Variants in SELPLG observed in about 807,000 individuals in gnomAD.
SELPLG encodes P-selectin glycoprotein ligand 1.
SELPLG carries 2 observed loss-of-function variants against 1.1 expected under a neutral mutation model. That is an observed-to-expected ratio of 1.82 (90% CI 0.74 to 5.71). The LOEUF (loss-of-function observed/expected upper bound fraction) is 5.71. SELPLG is among the 30% of genes most tolerant of loss of function. The pLI, the probability that SELPLG is intolerant of heterozygous loss-of-function variation, is 0.05. For missense variants in SELPLG, 478 were observed against 524.7 expected (o/e 0.91, Z 0.87); for synonymous variants, 230 against 221.2 (o/e 1.04, Z -0.35).
Position 108,624,149 on chromosome 12 carries a change from G to A in SELPLG, c.159C>T (p.Phe53=), listed in dbSNP as rs1023054593. 3.7e-6 allele frequency: 6 copies of A among 1,614,196 alleles called. No homozygotes were observed. In the South Asian group the frequency reaches 6.6e-5, roughly 18 times the overall value. The part of the protein sequence containing the change: ...ATEYEYLDYD[F]LPETEPPEML... ...TTTCTGGAGGCTCCGTTTCTGGCAGGAAATCATAATCTAGGTACTCATATT... is the reference window on the plus strand; with the variant it reads ...TTTCTGGAGGCTCCGTTTCTGGCAGAAAATCATAATCTAGGTACTCATATT... Residue 53 remains phenylalanine (F), a synonymous_variant, in exon 2 of 2, where the codon TTC becomes TTT. Coordinates refer to ENST00000550948, the MANE Select transcript of SELPLG (RefSeq NM_003006.4).
rs1476028209 is a variant in SELPLG at position 108,622,052 on chromosome 12, C to T, written c.*1017G>A. 3.9e-5 allele frequency among the ~76,000 whole-genome samples: 6 copies of T among 152,174 alleles called. No individual in the cohort carries two copies. Among genetic ancestry groups the T allele is most frequent in the Admixed American group, 3.9e-4 (6 of 15,284 alleles). On this transcript the variant is annotated 3_prime_UTR_variant, in exon 2 of 2. Coordinates refer to ENST00000550948, the MANE Select transcript of SELPLG (RefSeq NM_003006.4). ...AGGGGCAGCCCTCCCTTTGGCCCCC[C>T]ATAGCCTGAACTTTTCCTGGTCACC...
chr12:108,624,887 A>T (rs774805948), intron 1 of SELPLG, among the ~76,000 whole-genome samples: 9 of 151,812 alleles, frequency 5.9e-5, no homozygotes, highest in Non-Finnish European at 1.2e-4. Flanking sequence ...ACGGGGTTTC[A>T]CTATGTTGGC....
chr12:108,626,230 G>A (rs968400559), intron 1 of SELPLG, among the ~76,000 whole-genome samples: 21 of 151,124 alleles, frequency 1.4e-4, no homozygotes, highest in Admixed American at 6.6e-5. Flanking sequence ...CGCCTCCCGG[G>A]TTCAAGCAAT....
chr12:108,624,284 C>A lies in SELPLG; in HGVS notation c.24G>T (p.Leu8Phe). 1 of 1,613,926 alleles carries A rather than the reference C, an allele frequency of 6.2e-7. No homozygotes were observed. Among genetic ancestry groups the A allele is most frequent in the Non-Finnish European group, 8.5e-7 (1 of 1,179,904 alleles). ...TGTTGCCAGGGCCCAGTAGGATCAG[C>A]AACAGGAGGAGTTGCAGAGGCATGG... MPLQLLLLLILLGPGNSL... is the reference protein window; with the variant it reads MPLQLLLFLILLGPGNSL... The change falls in exon 2 of 2, where the codon TTG (leucine) becomes TTT (phenylalanine). Residue 8 changes from leucine (L) to phenylalanine (F), a missense_variant. Transcript: ENST00000550948.
chr12:108,624,159 T>C lies in SELPLG; in HGVS notation c.149A>G (p.Asp50Gly), dbSNP rs1182881494. 1 of 1,614,196 alleles carries C rather than the reference T, an allele frequency of 6.2e-7. No homozygotes were observed. Among genetic ancestry groups the C allele is most frequent in the Non-Finnish European group, 8.5e-7 (1 of 1,180,034 alleles). Residue 50 changes from aspartate to glycine, a missense_variant, in exon 2 of 2, where the codon GAT becomes GGT. By Grantham distance (94) the Asp-to-Gly change is moderately conservative. Coordinates refer to ENST00000550948, the MANE Select transcript of SELPLG (RefSeq NM_003006.4). Reference sequence around the variant, plus strand: ...CTCCGTTTCTGGCAGGAAATCATAATCTAGGTACTCATATTCGGTGGCCTG... The same window carrying C: ...CTCCGTTTCTGGCAGGAAATCATAACCTAGGTACTCATATTCGGTGGCCTG... ...RRQATEYEYL[D>G]YDFLPETEPP...
chr12:108,622,938 C>T lies in SELPLG; in HGVS notation c.*131G>A. 2.0e-6 allele frequency: 2 copies of T among 1,008,550 alleles called. No individual in the cohort carries two copies. The highest frequency in any genetic ancestry group is 2.8e-6 in the Non-Finnish European group (2 of 724,392). The allele number at this position is 1,008,550 out of a possible 1,614,324, so 62.5% of individuals were successfully genotyped here. On this transcript the variant is annotated 3_prime_UTR_variant, in exon 2 of 2. Coordinates refer to ENST00000550948, the MANE Select transcript of SELPLG (RefSeq NM_003006.4). ...TGTCCTGTTTGGGTGGCCAGAGTTC[C>T]TTCCCTGAAGATCCCCATCCCCAGG... is the stretch of plus-strand genomic sequence containing the variant.
chr12:108,629,961 C>T (rs1367418510), intron 1 of SELPLG, among the ~76,000 whole-genome samples: 1 of 152,236 alleles, frequency 6.6e-6, no homozygotes, highest in Non-Finnish European at 1.5e-5. Flanking sequence ...TTCCTCCTCA[C>T]CCCTGTGTTC....
rs181850517 is a variant in SELPLG, at chr12:108,626,092, T to C, written c.-5-1780A>G. ...TTCCAGCCAGGTTCAATCTGATCTC[T>C]TTCATATGTTAGTTAGAATTATGTT... On this transcript the variant is annotated intron_variant, in intron 1 of 1. Coordinates refer to ENST00000550948, the MANE Select transcript of SELPLG (RefSeq NM_003006.4). Among the ~76,000 whole-genome samples, 58 of 152,190 alleles carry C rather than the reference T, an allele frequency of 3.8e-4. 2 individuals carry two copies. Among genetic ancestry groups the C allele is most frequent in the South Asian group, 2.9e-3 (14 of 4,816 alleles).
At chr12:108,627,586 A>G (rs1452710085) in intron 1 of SELPLG, among the ~76,000 whole-genome samples, 1 of 152,212 alleles carries the variant, frequency 6.6e-6, no homozygotes, top group Non-Finnish European at 1.5e-5. Context: ...AAATTGGGAT[A>G]AGAAACAGTG....
At chr12:108,629,102 C>T (rs1481137510) in intron 1 of SELPLG, among the ~76,000 whole-genome samples, 1 of 152,228 alleles carries the variant, frequency 6.6e-6, no homozygotes, top group East Asian at 1.9e-4. Context: ...AGATGGCGGC[C>T]TCTCTACCTC....
In SELPLG at chr12:108,623,379, C is replaced by T; in HGVS notation, c.929G>A (p.Gly310Glu). Residue 310 changes from glycine to glutamate, a missense_variant, in exon 2 of 2, where the codon GGG (glycine) becomes GAG (glutamate). Coordinates refer to ENST00000550948, the MANE Select transcript of SELPLG (RefSeq NM_003006.4). ...CTTCACAGAGATGTGGTCTGGGGCC[C>T]CCACTGGGTAGTTGACGGACAAATT... ...ASNLSVNYPV[G>E]APDHISVKQC... is the part of the protein sequence containing the mutation. 1 of 1,614,228 alleles carries T rather than the reference C, an allele frequency of 6.2e-7. No homozygotes were observed. The highest frequency in any genetic ancestry group is 8.5e-7 in the Non-Finnish European group (1 of 1,180,034).
At chr12:108,631,365 C>T (rs8179119) in intron 1 of SELPLG, among the ~76,000 whole-genome samples, 3,260 of 152,152 alleles carry the variant, frequency 0.021, 120 homozygotes, top group African/African-American at 0.072. Context: ...TGGGCTCAAG[C>T]GATCCTCCCA....
rs2031850881 is a variant in SELPLG at position 108,623,096 on chromosome 12, G to A, written c.1212C>T (p.Asp404=). Residue 404 remains aspartate (D), a synonymous_variant, in exon 2 of 2, where the codon GAC becomes GAT. Coordinates refer to ENST00000550948, the MANE Select transcript of SELPLG (RefSeq NM_003006.4). The part of the protein sequence containing the change: ...PEPREDREGD[D]LTLHSFLP The stretch of plus-strand genomic sequence containing the variant: ...AAGGGAGGAAGCTGTGCAGGGTGAG[G>A]TCATCCCCCTCACGGTCCTCCCTGG... 2 of 1,527,482 alleles carry A rather than the reference G, an allele frequency of 1.3e-6. No individual in the cohort carries two copies. Among genetic ancestry groups the A allele is most frequent in the South Asian group, 2.5e-5 (2 of 78,536 alleles). 94.6% of individuals were successfully genotyped at this position (1,527,482 alleles called of 1,614,324 possible).
At chr12:108,627,198 CA>C (rs2031952569) in intron 1 of SELPLG, among the ~76,000 whole-genome samples, 2 of 152,244 alleles carry the variant, frequency 1.3e-5, no homozygotes, top group Admixed American at 1.3e-4. Flanking sequence ...CCAAGGACCA[CA>C]CTGAGGTTAA....
rs1200004712 is a variant in SELPLG, at chr12:108,626,884, T to A, written c.-5-2572A>T. 2.6e-5 allele frequency among the ~76,000 whole-genome samples: 4 copies of A among 152,094 alleles called. No individual in the cohort carries two copies. The South Asian group carries it at 8.3e-4, about 32-fold the overall frequency. On this transcript the variant is annotated intron_variant, in intron 1 of 1. Coordinates refer to ENST00000550948, the MANE Select transcript of SELPLG (RefSeq NM_003006.4). ...GTTTGAGAAGCCAAGGCAGGTGGCTTACCTGATGTCAGGAGTTCAAGACTA... is the reference window on the plus strand; with the variant it reads ...GTTTGAGAAGCCAAGGCAGGTGGCTAACCTGATGTCAGGAGTTCAAGACTA...
intron 1 of SELPLG, among the ~76,000 whole-genome samples, chr12:108,629,835 A>G (rs997261894): frequency 6.6e-6 from 1 of 152,238 alleles, no homozygotes; most frequent in African/African-American, 2.4e-5. Flanking sequence ...GGCAGGTAGC[A>G]TAATACCTCC....
Position 108,629,737 on chromosome 12 carries a change from A to G in SELPLG, c.-6+4003T>C, listed in dbSNP as rs181892564. ...AAAAACATATTTTTTTTAATGAAAG[A>G]AAAGAAAACCCGAGGCTCTGAGAGA... On this transcript the variant is annotated intron_variant, in intron 1 of 1. Transcript: ENST00000550948. Among the ~76,000 whole-genome samples, 3 of 152,234 alleles carry G rather than the reference A, an allele frequency of 2.0e-5. No homozygotes were observed. In the East Asian group the frequency reaches 5.8e-4, roughly 29 times the overall value.
rs1438811301 is a variant in SELPLG at position 108,623,180 on chromosome 12, G to T, written c.1128C>A (p.Pro376=). Residue 376 remains proline, a synonymous_variant, in exon 2 of 2, where the codon CCC becomes CCA. Transcript: ENST00000550948. The part of the protein sequence containing the change: ...SSLLPDGGEG[P]SATANGGLSK... ...ACAGGCCCCCATTGGCTGTGGCAGA[G>T]GGCCCCTCACCCCCATCAGGCAACA... is the stretch of plus-strand genomic sequence containing the variant. 1 of 1,613,768 alleles carries T rather than the reference G, an allele frequency of 6.2e-7. No individual in the cohort carries two copies. The highest frequency in any genetic ancestry group is 8.5e-7 in the Non-Finnish European group (1 of 1,179,868).
intron 1 of SELPLG, among the ~76,000 whole-genome samples, chr12:108,633,257 C>A (rs908823040): frequency 9.2e-5 from 14 of 152,194 alleles, no homozygotes; most frequent in Non-Finnish European, 1.5e-4. Flanking sequence ...GTAATTTCAG[C>A]ACTTTGGGAG....
Sources: allele counts gnomAD v4.1 joint callset (sites outside exome capture counted in the v4.1 genomes callset), GRCh38; gene constraint gnomAD v4.1.1; transcripts MANE v1.5; gene names NCBI Gene and HGNC (gene_info 2026-07-23, HGNC 2026-07-21).